The following NKAIN3 variants were observed in gnomAD, a reference collection of about 807,000 sequenced individuals.
NKAIN3 encodes the protein sodium/potassium transporting ATPase interacting 3.
A neutral mutation model predicts 30.2 loss-of-function variants in NKAIN3; 25 were observed. The ratio of observed to expected loss-of-function variants is 0.83; its 90% CI spans 0.60 to 1.16. The LOEUF is 1.16. Among genes scored for constraint, NKAIN3 ranks in the 50% most tolerant of loss-of-function variants. The probability of loss-of-function intolerance (pLI) is 0.00; values close to 1 mark genes in which losing one functional copy is unlikely to be tolerated. For missense variants in NKAIN3, 225 were observed against 254.1 expected, an observed-to-expected ratio of 0.89 and a Z score of 0.78; for synonymous variants, 91 against 89.6, an observed-to-expected ratio of 1.02 and a Z score of -0.09.
chr8:62,358,094 G>T (rs1405549431), intron 1 of NKAIN3, among the ~76,000 whole-genome samples: 4 of 152,096 alleles, frequency 2.6e-5, no homozygotes, highest in Admixed American at 6.6e-5. Context: ...GCGGCATAAG[G>T]TATGCCTAAT....
intron 3 of NKAIN3, among the ~76,000 whole-genome samples, chr8:62,680,481 A>T (rs1043481769): frequency 1.3e-5 from 2 of 152,210 alleles, no homozygotes; most frequent in Admixed American, 1.3e-4. Context: ...TTCATGACTT[A>T]AAAAGGATTT....
chr8:62,316,581 A>T (rs1165912388), intron 1 of NKAIN3, among the ~76,000 whole-genome samples: 1 of 152,118 alleles, frequency 6.6e-6, no homozygotes, highest in East Asian at 1.9e-4. Flanking sequence ...TTCCAGCTTC[A>T]TCCCTATCTC....
chr8:62,416,040 G>T (rs1804434886), intron 1 of NKAIN3, among the ~76,000 whole-genome samples: 1 of 152,258 alleles, frequency 6.6e-6, no homozygotes, highest in Admixed American at 6.5e-5. Flanking sequence ...ACAGGCGTGA[G>T]CCACCACGCC....
At chr8:62,748,815 C>T (rs75122038) in intron 4 of NKAIN3, among the ~76,000 whole-genome samples, 195 of 152,232 alleles carry the variant, frequency 1.3e-3, no homozygotes, top group Middle Eastern at 3.4e-3. Flanking sequence ...GGAATCTGAT[C>T]ATTCTAGGTT....
At chr8:62,637,704 C>T (rs891679227) in intron 3 of NKAIN3, among the ~76,000 whole-genome samples, 1 of 152,098 alleles carries the variant, frequency 6.6e-6, no homozygotes, top group Non-Finnish European at 1.5e-5. Flanking sequence ...TCAAATAGTA[C>T]AGCAGAAAGA....
intron 4 of NKAIN3, among the ~76,000 whole-genome samples, chr8:62,784,019 T>G (rs997883801): frequency 1.3e-5 from 2 of 152,050 alleles, no homozygotes; most frequent in Non-Finnish European, 2.9e-5. Context: ...AAAACAAGTC[T>G]CAATAAATTT....
At chr8:62,364,728 A>C (rs1268136528) in intron 1 of NKAIN3, among the ~76,000 whole-genome samples, 1 of 146,298 alleles carries the variant, frequency 6.8e-6, no homozygotes, top group Non-Finnish European at 1.5e-5. Flanking sequence ...AGTACCAGCT[A>C]CTCCTAGGCT....
intron 1 of NKAIN3, among the ~76,000 whole-genome samples, chr8:62,321,977 C>T (rs535663061): frequency 7.9e-5 from 12 of 152,298 alleles, no homozygotes; most frequent in African/African-American, 2.6e-4. Context: ...TGGGCTCTAC[C>T]GAGTTCCAGC....
intron 1 of NKAIN3, among the ~76,000 whole-genome samples, chr8:62,329,517 G>T (rs1038080069): frequency 1.3e-5 from 2 of 152,022 alleles, no homozygotes; most frequent in African/African-American, 2.4e-5. Flanking sequence ...GTGATCCCCA[G>T]TGTTTATCAT....
chr8:62,415,342 A>AGAT (rs999618697), intron 1 of NKAIN3, among the ~76,000 whole-genome samples: 1 of 147,790 alleles, frequency 6.8e-6, no homozygotes, highest in Non-Finnish European at 1.5e-5. Context: ...GATGATAAAT[A>AGAT]GATGATGATG....
At chr8:62,338,523 A>G (rs534180537) in intron 1 of NKAIN3, among the ~76,000 whole-genome samples, 2 of 152,024 alleles carry the variant, frequency 1.3e-5, no homozygotes, top group African/African-American at 4.8e-5. Context: ...CATGAGCTGA[A>G]ATAGAAAATT....
chr8:62,349,184 T>C (rs1458941211), intron 1 of NKAIN3, among the ~76,000 whole-genome samples: 2 of 152,190 alleles, frequency 1.3e-5, no homozygotes, highest in Non-Finnish European at 2.9e-5. Context: ...CCATACTTAA[T>C]TGTGCAACGA....
intron 1 of NKAIN3, among the ~76,000 whole-genome samples, chr8:62,303,163 G>A (rs577856107): frequency 2.0e-5 from 3 of 150,478 alleles, no homozygotes; most frequent in Non-Finnish European, 4.4e-5. Flanking sequence ...TTTAAAAACA[G>A]TTGTGCTCTT....
At chr8:62,801,958 A>C (rs1364012739) in intron 4 of NKAIN3, among the ~76,000 whole-genome samples, 1 of 152,244 alleles carries the variant, frequency 6.6e-6, no homozygotes, top group Non-Finnish European at 1.5e-5. Context: ...AGGCTCGAGA[A>C]CTATGTGAAG....
chr8:62,283,926 A>G (rs1160653734), intron 1 of NKAIN3, among the ~76,000 whole-genome samples: 2 of 152,226 alleles, frequency 1.3e-5, no homozygotes, highest in African/African-American at 2.4e-5. Flanking sequence ...GTATTGATTT[A>G]AAGAGAAATC....
intron 3 of NKAIN3, among the ~76,000 whole-genome samples, chr8:62,704,541 A>G (rs1467421277): frequency 6.6e-6 from 1 of 152,098 alleles, no homozygotes; most frequent in Admixed American, 6.6e-5. Context: ...GCTCATATGT[A>G]AAAGTTGGGA....
At chr8:62,254,282 T>C (rs969507529) in intron 1 of NKAIN3, among the ~76,000 whole-genome samples, 1 of 151,912 alleles carries the variant, frequency 6.6e-6, no homozygotes, top group South Asian at 2.1e-4. Context: ...CAAGTAGCTG[T>C]CAGGTACATG....
chr8:62,400,158 A>ATTT (rs1817889346), intron 1 of NKAIN3, among the ~76,000 whole-genome samples: 1 of 130,618 alleles, frequency 7.7e-6, no homozygotes, highest in African/African-American at 2.9e-5. Flanking sequence ...TAGATGCTAT[A>ATTT]TTTTCTTTTT....
intron 4 of NKAIN3, among the ~76,000 whole-genome samples, chr8:62,893,793 G>C (rs185866361): frequency 3.3e-5 from 5 of 152,368 alleles, no homozygotes; most frequent in Non-Finnish European, 7.3e-5. Flanking sequence ...GGAATGATAG[G>C]AAAGTATGGA....
Sources: allele counts gnomAD v4.1 joint callset (sites outside exome capture counted in the v4.1 genomes callset), GRCh38; gene constraint gnomAD v4.1.1; transcripts MANE v1.5; gene names NCBI Gene and HGNC (gene_info 2026-07-23, HGNC 2026-07-21).